The following CCSER1 variants were observed in gnomAD, a reference collection of about 807,000 sequenced individuals.
CCSER1 encodes coiled-coil serine rich protein 1, also known as serine-rich coiled-coil domain-containing protein 1.
In CCSER1, 41 loss-of-function variants were observed where a neutral mutation model predicts 82.0. That is an observed-to-expected ratio of 0.50 (90% confidence interval 0.39 to 0.65). The LOEUF is 0.65. Ranked by LOEUF, CCSER1 falls within the 30% of genes least tolerant of loss-of-function variation. CCSER1 has a pLI of 0.00. For synonymous variants in CCSER1, 414 were observed against 383.9 expected (o/e 1.08, Z -0.92); for missense variants, 1,119 against 1,064.2 (o/e 1.05, Z -0.72).
At chr4:91,507,065 AC>A (rs757665443) in intron 10 of CCSER1, among the ~76,000 whole-genome samples, 45 of 152,274 alleles carry the variant, frequency 3.0e-4, no homozygotes, top group Non-Finnish European at 5.6e-4. Context: ...TTCACTTTTT[AC>A]TATTATGAAC....
chr4:91,492,180 A>G (rs1758584396), intron 10 of CCSER1, among the ~76,000 whole-genome samples: 1 of 152,074 alleles, frequency 6.6e-6, no homozygotes, highest in Non-Finnish European at 1.5e-5. Context: ...GGACTACATT[A>G]TAATGGCTGG....
At chr4:90,762,144 C>T (rs914283250) in intron 7 of CCSER1, among the ~76,000 whole-genome samples, 5 of 151,998 alleles carry the variant, frequency 3.3e-5, no homozygotes, top group African/African-American at 4.8e-5. Context: ...GGGAAGGACC[C>T]GACAGGAGGT....
At chr4:91,279,649 C>T (rs1354827579) in intron 10 of CCSER1, among the ~76,000 whole-genome samples, 3 of 151,888 alleles carry the variant, frequency 2.0e-5, no homozygotes, top group Non-Finnish European at 2.9e-5. Context: ...TCCTGAATTG[C>T]TTTTCTGATT....
chr4:90,229,129 G>A (rs1229301310), intron 1 of CCSER1, among the ~76,000 whole-genome samples: 1 of 152,124 alleles, frequency 6.6e-6, no homozygotes, highest in Admixed American at 6.6e-5. Context: ...ACGCCACAAA[G>A]CTACTCCTCG....
intron 1 of CCSER1, among the ~76,000 whole-genome samples, chr4:90,228,360 C>T (rs1578613920): frequency 6.6e-6 from 1 of 152,166 alleles, no homozygotes; most frequent in East Asian, 1.9e-4. Flanking sequence ...CCAGCAGGGG[C>T]AGACTGACAC....
At chr4:91,280,781 T>C (rs1329542924) in intron 10 of CCSER1, among the ~76,000 whole-genome samples, 2 of 152,112 alleles carry the variant, frequency 1.3e-5, no homozygotes, top group South Asian at 2.1e-4. Flanking sequence ...TGGCTCACAC[T>C]TGGGCTCTGA....
intron 5 of CCSER1, among the ~76,000 whole-genome samples, chr4:90,507,190 T>C (rs1770819318): frequency 6.6e-6 from 1 of 152,192 alleles, no homozygotes. Context: ...CAGTGATTAC[T>C]TCTTTCCTGC....
At position 91,601,360 on chromosome 4, in the gene CCSER1, T is replaced by TATC. The variant is rs1226243302; in HGVS notation, c.*2307_*2309dup. On this transcript the variant is annotated 3_prime_UTR_variant, in exon 11 of 11. Coordinates refer to ENST00000509176, the MANE Select transcript of CCSER1 (RefSeq NM_001145065.2). ...TAAAAGGAAGGGTATTTTTTGGAAA[T>TATC]ATCATCTTAAAGCTGTTTTGTATCA... 1 of 152,052 alleles carries TATC rather than the reference T, an allele frequency of 6.6e-6. No individual in the cohort carries two copies. The highest frequency in any genetic ancestry group is 6.6e-5 in the Admixed American group (1 of 15,236). 9.4% of individuals were successfully genotyped at this position (152,052 alleles called of 1,614,324 possible). A position where few individuals can be genotyped will look rare whatever the true frequency, so the allele number is the denominator to read the frequency against.
At chr4:91,302,486 C>T (rs927498653) in intron 10 of CCSER1, among the ~76,000 whole-genome samples, 44 of 151,916 alleles carry the variant, frequency 2.9e-4, no homozygotes, top group African/African-American at 1.0e-3. Flanking sequence ...CTATTTTTGA[C>T]TCTTGGTTTC....
At chr4:91,273,904 A>G (rs1008961249) in intron 10 of CCSER1, among the ~76,000 whole-genome samples, 3 of 152,122 alleles carry the variant, frequency 2.0e-5, no homozygotes, top group African/African-American at 7.2e-5. Context: ...GTGTATCACC[A>G]AAGCACAGTA....
intron 1 of CCSER1, among the ~76,000 whole-genome samples, chr4:90,171,275 G>A (rs1423942796): frequency 3.3e-5 from 5 of 151,618 alleles, no homozygotes; most frequent in African/African-American, 1.2e-4. Flanking sequence ...AATTTTCAGT[G>A]TCCTTTGAGG....
intron 10 of CCSER1, among the ~76,000 whole-genome samples, chr4:91,577,809 A>G (rs990887108): frequency 2.6e-5 from 4 of 151,522 alleles, no homozygotes; most frequent in Non-Finnish European, 4.4e-5. Flanking sequence ...GACTTAAGCA[A>G]TAATTAGTAT....
chr4:91,489,049 C>T (rs764019066), intron 10 of CCSER1, among the ~76,000 whole-genome samples: 6 of 152,020 alleles, frequency 3.9e-5, no homozygotes, highest in Non-Finnish European at 2.9e-5. Context: ...ATTTACATAG[C>T]GAGTCCTAGA....
intron 5 of CCSER1, among the ~76,000 whole-genome samples, chr4:90,598,664 A>G (rs1312895960): frequency 1.3e-5 from 2 of 151,932 alleles, no homozygotes; most frequent in East Asian, 3.9e-4. Flanking sequence ...GATTTTTAAA[A>G]TTTTTCTGCT....
intron 5 of CCSER1, among the ~76,000 whole-genome samples, chr4:90,495,834 C>T (rs139859323): frequency 2.0e-5 from 3 of 152,044 alleles, no homozygotes; most frequent in African/African-American, 7.2e-5. Context: ...AATTATCAGG[C>T]CCCTGCAGCA....
chr4:90,618,769 A>G (rs1247278927), intron 5 of CCSER1, among the ~76,000 whole-genome samples: 3 of 151,970 alleles, frequency 2.0e-5, no homozygotes, highest in Non-Finnish European at 4.4e-5. Context: ...TTACACTGCA[A>G]GTATAAAACT....
intron 9 of CCSER1, among the ~76,000 whole-genome samples, chr4:90,957,689 A>T (rs1050910301): frequency 1.0e-5 from 1 of 98,162 alleles, no homozygotes; most frequent in African/African-American, 4.3e-5. Flanking sequence ...GTATATGTAT[A>T]ATTTCATGGT....
intron 10 of CCSER1, among the ~76,000 whole-genome samples, chr4:91,097,044 C>A (rs536145603): frequency 6.6e-6 from 1 of 152,270 alleles, no homozygotes; most frequent in East Asian, 1.9e-4. Flanking sequence ...TGTCCGGACT[C>A]CAAGTGCCAG....
chr4:90,440,688 A>C (rs922254064), intron 4 of CCSER1, among the ~76,000 whole-genome samples: 1 of 152,124 alleles, frequency 6.6e-6, no homozygotes. Flanking sequence ...CTATTTGTGC[A>C]TGAGAACTCT....
Sources: gnomAD v4.1 joint callset for allele counts (sites outside exome capture counted in the v4.1 genomes callset) on GRCh38, gnomAD v4.1.1 for gene constraint, MANE v1.5 for transcripts, NCBI Gene and HGNC (gene_info 2026-07-23, HGNC 2026-07-21) for gene names.